Variants in SAMD4B observed in about 807,000 individuals in gnomAD.
SAMD4B encodes sterile alpha motif domain containing 4B.
In SAMD4B, 5 loss-of-function variants were observed where a neutral mutation model predicts 74.5. The observed-to-expected ratio is 0.07, with a 90% CI of 0.04 to 0.14. The LOEUF is 0.14. SAMD4B is among the 10% of genes least tolerant of loss of function. The pLI is 1.00. For synonymous variants in SAMD4B, 373 were observed against 374.9 expected (o/e 1.00, Z 0.06); for missense variants, 608 against 921.8 (o/e 0.66, Z 4.41).
rs112478955 is a variant in SAMD4B at position 39,380,234 on chromosome 19, A to G, written c.1649+150A>G. ...TTCCCAGAAGAAAATTTCCACTAGA[A>G]TAGGATGCTGAGCTGAAAAACAACA... On this transcript the variant is annotated intron_variant, in intron 10 of 13. Transcript: ENST00000610417. The G allele has an allele frequency of 6.1e-6, 4 of 654,498 alleles. No homozygotes were observed. The African/African-American group carries it at 7.3e-5, about 12-fold the overall frequency. 40.5% of individuals were successfully genotyped at this position (654,498 alleles called of 1,614,324 possible).
intron 12 of SAMD4B, 86 bp downstream of exon 12, chr19:39,381,199 C>T: frequency 6.9e-7 from 1 of 1,455,890 alleles, no homozygotes; most frequent in East Asian, 2.3e-5. Flanking sequence ...GTCCACTGTT[C>T]TTCTAGACTG....
intron 1 of SAMD4B, among the ~76,000 whole-genome samples, 155 bp downstream of exon 1, chr19:39,342,731 G>C (rs1481663628): frequency 2.0e-5 from 3 of 150,996 alleles, no homozygotes; most frequent in African/African-American, 7.3e-5. Context: ...GGGCCTCGGG[G>C]GGCCGGGCCC....
chr19:39,365,847 A>T (rs1046467352), intron 3 of SAMD4B, among the ~76,000 whole-genome samples: 1 of 152,240 alleles, frequency 6.6e-6, no homozygotes, highest in Non-Finnish European at 1.5e-5. Context: ...TTCTACTATT[A>T]ATTTTAACCA....
Position 39,378,444 on chromosome 19 carries a change from T to G in SAMD4B, c.1445-60T>G, listed in dbSNP as rs2077735099. 1 of 1,496,470 alleles carries G rather than the reference T, an allele frequency of 6.7e-7. No individual in the cohort carries two copies. The highest frequency in any genetic ancestry group is 1.7e-5 in the Admixed American group (1 of 59,230). The allele number at this position is 1,496,470 out of a possible 1,614,324, so 92.7% of individuals were successfully genotyped here. A position where few individuals can be genotyped will look rare whatever the true frequency, so the allele number is the denominator to read the frequency against. ...TCTTGTGCACGAGCCAGCTGGAGGC[T>G]GGAACATGGCAGAGGGCATACTAGG... On this transcript the variant is annotated intron_variant, in intron 8 of 13. Coordinates refer to ENST00000610417, the MANE Select transcript of SAMD4B (RefSeq NM_001384574.2). The surrounding 1 kb of genome is among the most constrained non-coding windows in gnomAD (Gnocchi z 4.4).
At chr19:39,356,643 G>C in intron 2 of SAMD4B, 46 bp from the exon 3 acceptor site, 1 of 403,426 alleles carries the variant, frequency 2.5e-6, no homozygotes, top group Non-Finnish European at 4.5e-6. Context: ...CACCAGGCAA[G>C]TTTCAGCCCC....
At chr19:39,365,118 C>T (rs549435297) in intron 3 of SAMD4B, among the ~76,000 whole-genome samples, 9 of 151,300 alleles carry the variant, frequency 5.9e-5, no homozygotes, top group Non-Finnish European at 8.8e-5. Context: ...TGGTGGCGGG[C>T]GTGTGTAGTC....
At chr19:39,376,615 C>G (rs1017089676) in intron 6 of SAMD4B, 69 bp downstream of exon 6, 1 of 1,572,384 alleles carries the variant, frequency 6.4e-7, no homozygotes, top group African/African-American at 1.4e-5. Flanking sequence ...CAGCCCAAGC[C>G]TCCTCTGTCT....
chr19:39,366,540 A>G (rs1411520938), intron 3 of SAMD4B, among the ~76,000 whole-genome samples: 3 of 152,216 alleles, frequency 2.0e-5, no homozygotes, highest in Non-Finnish European at 4.4e-5. Flanking sequence ...CAGGCCAAGA[A>G]AATGCACAGT....
rs374028285 is a variant in SAMD4B at position 39,380,805 on chromosome 19, G to T, written c.1848+20G>T. The T allele has an allele frequency of 4.2e-4, 644 of 1,519,998 alleles. No individual in the cohort carries two copies. The highest frequency in any genetic ancestry group is 4.6e-4 in the Non-Finnish European group (518 of 1,136,790). 94.2% of individuals were successfully genotyped at this position (1,519,998 alleles called of 1,614,324 possible). ...CGACAGGTAAGCTGGCTGGAAGCAGGGGCCTGGCCTCCTGGGGTTGGGGTG... is the reference window on the plus strand; with the variant it reads ...CGACAGGTAAGCTGGCTGGAAGCAGTGGCCTGGCCTCCTGGGGTTGGGGTG... On this transcript the variant is annotated intron_variant, in intron 11 of 13. Coordinates refer to ENST00000610417, the MANE Select transcript of SAMD4B (RefSeq NM_001384574.2).
downstream of SAMD4B, chr19:39,386,188 CAG>C (rs2078244128): frequency 6.2e-7 from 1 of 1,614,042 alleles, no homozygotes; most frequent in African/African-American, 1.3e-5. This position sits in a 1 kb window ranked among gnomAD's most constrained non-coding sequence, Gnocchi z 6.1. Flanking sequence ...TCCTCATCAT[CAG>C]AGTCGGCATC....
downstream of SAMD4B, among the ~76,000 whole-genome samples, chr19:39,387,397 CAGG>C (rs771527297): frequency 1.8e-4 from 28 of 152,256 alleles, no homozygotes; most frequent in Middle Eastern, 3.4e-3. Flanking sequence ...TTTGAGAAAC[CAGG>C]AGATGTCAAA....
At chr19:39,349,335 A>G (rs1366169283) in intron 1 of SAMD4B, among the ~76,000 whole-genome samples, 1 of 152,122 alleles carries the variant, frequency 6.6e-6, no homozygotes, top group Non-Finnish European at 1.5e-5. Context: ...CAGAGAATAA[A>G]CTTTTCGGGG....
chr19:39,364,266 T>C (rs550309623), intron 3 of SAMD4B, among the ~76,000 whole-genome samples: 88 of 152,322 alleles, frequency 5.8e-4, no homozygotes, highest in Admixed American at 3.3e-3. Context: ...ACAAGGCTTC[T>C]CTCTGTCCCA....
In SAMD4B at chr19:39,383,334, G is replaced by C; in HGVS notation, c.2056+43G>C. 6.2e-7 allele frequency: 1 copy of C among 1,604,280 alleles called. No individual in the cohort carries two copies. The highest frequency in any genetic ancestry group is 2.2e-5 in the East Asian group (1 of 44,830). On this transcript the variant is annotated intron_variant, in intron 13 of 13. Coordinates refer to ENST00000610417, the MANE Select transcript of SAMD4B (RefSeq NM_001384574.2). The surrounding 1 kb of genome is among the most constrained non-coding windows in gnomAD (Gnocchi z 4.1). ...CCCTGACCCAGCTCCCACCTACCCA[G>C]CGTCTCTGCCTCTGAACTGAGCAAC...
At chr19:39,354,867 T>C (rs1318180965) in intron 2 of SAMD4B, among the ~76,000 whole-genome samples, 1 of 152,168 alleles carries the variant, frequency 6.6e-6, no homozygotes, top group African/African-American at 2.4e-5. Context: ...TTGGAATTTG[T>C]TTAAAATTTT....
rs1320344150 is a variant in SAMD4B, at chr19:39,383,575, G to A, written c.*48G>A. ...CCATAGGCTCCCTGGGCGGCGGGCG[G>A]GGGCCAACCCCCAACGGGCTTCTCC... On this transcript the variant is annotated 3_prime_UTR_variant, in exon 14 of 14. Transcript: ENST00000610417. The surrounding 1 kb of genome is among the most constrained non-coding windows in gnomAD (Gnocchi z 4.1). The A allele has an allele frequency of 6.2e-7, 1 of 1,614,200 alleles. No homozygotes were observed. Among genetic ancestry groups the A allele is most frequent in the South Asian group, 1.1e-5 (1 of 91,086 alleles).
In SAMD4B at chr19:39,377,481, C is replaced by A. The variant is rs773406646; in HGVS notation, c.1105-4C>A. Reference sequence around the variant, plus strand: ...GTGACCCCAGCCTGTGTCCTCCCATCCAGGATGTGCTGGAAGGCGGGAACC... The same window carrying A: ...GTGACCCCAGCCTGTGTCCTCCCATACAGGATGTGCTGGAAGGCGGGAACC... On this transcript the variant is annotated splice_region_variant and splice_polypyrimidine_tract_variant and intron_variant, in intron 7 of 13. Transcript: ENST00000610417. 9.8e-5 allele frequency: 153 copies of A among 1,556,284 alleles called. No individual in the cohort carries two copies. In the East Asian group the frequency reaches 3.4e-3, roughly 35 times the overall value.
Position 39,376,737 on chromosome 19 carries a change from C to T in SAMD4B, c.1050C>T (p.Ala350=). Residue 350 remains alanine, a synonymous_variant, in exon 7 of 14, where the codon GCC becomes GCT. Transcript: ENST00000610417. The part of the protein sequence containing the change: ...NVTKGARHKI[A]LSIQKLRERQ... Reference sequence around the variant, plus strand: ...CCAAAGGTGCCCGCCACAAGATAGCCCTGAGCATCCAGAAGCTGCGTGAGA... The same window carrying T: ...CCAAAGGTGCCCGCCACAAGATAGCTCTGAGCATCCAGAAGCTGCGTGAGA... The T allele has an allele frequency of 6.2e-7, 1 of 1,614,216 alleles. No individual in the cohort carries two copies. The highest frequency in any genetic ancestry group is 8.5e-7 in the Non-Finnish European group (1 of 1,180,032).
intron 1 of SAMD4B, among the ~76,000 whole-genome samples, chr19:39,346,986 TA>T (rs963292576): frequency 6.6e-6 from 1 of 150,694 alleles, no homozygotes; most frequent in Non-Finnish European, 1.5e-5. Flanking sequence ...AACAATAAAA[TA>T]AAAAAAAAGC....
Sources: gnomAD v4.1 joint callset for allele counts (sites outside exome capture counted in the v4.1 genomes callset) on GRCh38, gnomAD v4.1.1 for gene constraint, Gnocchi (gnomAD v3.1) non-coding constraint, MANE v1.5 for transcripts, NCBI Gene and HGNC (gene_info 2026-07-23, HGNC 2026-07-21) for gene names.